The following GREB1 variants were observed in gnomAD, a reference collection of about 807,000 sequenced individuals.
The protein encoded by GREB1 is protein GREB1.
In GREB1, 106 loss-of-function variants were observed where a neutral mutation model predicts 200.7. The ratio of observed to expected loss-of-function variants is 0.53; its 90% CI spans 0.45 to 0.62. GREB1 has a LOEUF of 0.62. Ranked by LOEUF, GREB1 falls within the 20% of genes least tolerant of loss-of-function variation. The pLI is 0.00. For synonymous variants in GREB1, 1,132 were observed against 1,092.4 expected (o/e 1.04, Z -0.72); for missense variants, 2,243 against 2,556.8 (o/e 0.88, Z 2.65).
chr2:11,634,571 A>G (rs1287453739), intron 29 of GREB1, among the ~76,000 whole-genome samples: 1 of 152,192 alleles, frequency 6.6e-6, no homozygotes, highest in Non-Finnish European at 1.5e-5. Flanking sequence ...GTTATATTGG[A>G]CTGTGTGTTT....
chr2:11,508,493 C>T (rs1393507503), intron 1 of GREB1, among the ~76,000 whole-genome samples: 1 of 152,220 alleles, frequency 6.6e-6, no homozygotes, highest in Non-Finnish European at 1.5e-5. Context: ...TGGCTTTCCC[C>T]CAGTGTGGCA....
chr2:11,617,691 A>T (rs1308334358), intron 21 of GREB1, among the ~76,000 whole-genome samples: 1 of 151,918 alleles, frequency 6.6e-6, no homozygotes, highest in Non-Finnish European at 1.5e-5. Context: ...GGGTGCGGGG[A>T]CGGGTGTGTG....
At chr2:11,626,059 G>T (rs1379011958) in intron 24 of GREB1, among the ~76,000 whole-genome samples, 1 of 152,084 alleles carries the variant, frequency 6.6e-6, no homozygotes, top group Non-Finnish European at 1.5e-5. Context: ...CCATGATTCA[G>T]TTATCTCCCA....
chr2:11,524,688 A>G (rs946648100), intron 1 of GREB1, among the ~76,000 whole-genome samples: 2 of 152,202 alleles, frequency 1.3e-5, no homozygotes, highest in Non-Finnish European at 1.5e-5. Context: ...TCCAAAACAC[A>G]TCAGTCATCT....
chr2:11,531,647 T>G (rs1264687127), upstream of GREB1, among the ~76,000 whole-genome samples: 3 of 152,202 alleles, frequency 2.0e-5, no homozygotes, highest in East Asian at 5.8e-4. Context: ...CTTGGCTCAC[T>G]GCAACCTTGG....
intron 1 of GREB1, among the ~76,000 whole-genome samples, chr2:11,484,574 C>A (rs1343097095): frequency 8.1e-6 from 1 of 123,392 alleles, no homozygotes. Context: ...CATAGCGAGA[C>A]TCTCATCTCT....
At chr2:11,631,819 T>G in intron 26 of GREB1, 90 bp from the exon 27 acceptor site, 1 of 989,102 alleles carries the variant, frequency 1.0e-6, no homozygotes, top group Non-Finnish European at 1.6e-6. Flanking sequence ...TCATCATTCT[T>G]TGACGGAAAA....
At position 11,519,261 on chromosome 2, in the gene GREB1, G is replaced by A. The variant is rs796487076; in HGVS notation, c.-159+36880G>A. Among the ~76,000 whole-genome samples, 183 of 152,052 alleles carry A rather than the reference G, an allele frequency of 1.2e-3. 2 individuals are homozygous for A. The highest frequency in any genetic ancestry group is 4.3e-3 in the African/African-American group (180 of 41,452). ...ATAGACATCGTTACCTATACTGTTG[G>A]TAATAAGGGCTATCTGGATGTTACT... On this transcript the variant is annotated intron_variant, in intron 1 of 2. Coordinates refer to the GREB1 transcript ENST00000628795.
At chr2:11,504,319 T>G (rs1238135585) in intron 1 of GREB1, among the ~76,000 whole-genome samples, 1 of 152,200 alleles carries the variant, frequency 6.6e-6, no homozygotes, top group Non-Finnish European at 1.5e-5. Context: ...AATTTTTCAT[T>G]TAGTAGTTTC....
rs768117313 is a variant in GREB1 at position 11,580,972 on chromosome 2, A to T, written c.901+140A>T. On this transcript the variant is annotated intron_variant, in intron 7 of 32. Transcript: ENST00000381486. This position sits in a 1 kb window ranked among gnomAD's most constrained non-coding sequence, Gnocchi z 4.5. Reference sequence around the variant, plus strand: ...CTTCCATGAGAGTCAGGCCAGGACCACAGGTGCCTCCTGAGTCCGTGGGTC... The same window carrying T: ...CTTCCATGAGAGTCAGGCCAGGACCTCAGGTGCCTCCTGAGTCCGTGGGTC... 9.6e-7 allele frequency: 1 copy of T among 1,046,930 alleles called. No homozygotes were observed. Among genetic ancestry groups the T allele is most frequent in the African/African-American group, 1.6e-5 (1 of 63,868 alleles). 64.9% of individuals were successfully genotyped at this position (1,046,930 alleles called of 1,614,324 possible). A position where few individuals can be genotyped will look rare whatever the true frequency, so the allele number is the denominator to read the frequency against.
At chr2:11,530,343 T>G (rs927839478), upstream of GREB1, among the ~76,000 whole-genome samples, 4 of 151,726 alleles carry the variant, frequency 2.6e-5, no homozygotes, top group African/African-American at 9.7e-5. Flanking sequence ...ATTACAGGTG[T>G]GATCCAGTGC....
intron 4 of GREB1, among the ~76,000 whole-genome samples, chr2:11,571,300 C>T (rs1392365551): frequency 6.6e-6 from 1 of 152,134 alleles, no homozygotes; most frequent in Non-Finnish European, 1.5e-5. Flanking sequence ...TTGGAAGGAA[C>T]ATAGAGTTGC....
intron 7 of GREB1, among the ~76,000 whole-genome samples, chr2:11,582,498 T>G (rs1679599371): frequency 6.6e-6 from 1 of 152,180 alleles, no homozygotes; most frequent in Admixed American, 6.5e-5. Flanking sequence ...CACCCGCCTA[T>G]TAAATCGCCT....
intron 1 of GREB1, among the ~76,000 whole-genome samples, chr2:11,545,940 G>A (rs546653952): frequency 1.3e-5 from 2 of 152,368 alleles, no homozygotes; most frequent in African/African-American, 2.4e-5. Context: ...CACTTTGGGA[G>A]GCTGAGGCGG....
chr2:11,600,908 C>T lies in GREB1; in HGVS notation c.2442C>T (p.His814=), dbSNP rs367610663. 4.2e-5 allele frequency: 68 copies of T among 1,614,030 alleles called. No homozygotes were observed. In the East Asian group the frequency reaches 6.2e-4, roughly 15 times the overall value. Residue 814 remains histidine, a synonymous_variant, in exon 16 of 33, where the codon CAC becomes CAT. Transcript: ENST00000381486. ...VKEAPNIVTL[H]VTSFPYALQT... Reference sequence around the variant, plus strand: ...AGGCCCCCAACATTGTGACACTTCACGTGACCTCCTTCCCGTATGCACTGC... The same window carrying T: ...AGGCCCCCAACATTGTGACACTTCATGTGACCTCCTTCCCGTATGCACTGC...
chr2:11,537,674 TA>T (rs1360423264), intron 1 of GREB1, among the ~76,000 whole-genome samples: 2 of 136,752 alleles, frequency 1.5e-5, no homozygotes, highest in African/African-American at 6.5e-5. Context: ...AAAAATATTT[TA>T]TATATTATAT....
chr2:11,627,723 T>C (rs900647201), intron 25 of GREB1, among the ~76,000 whole-genome samples: 1 of 152,210 alleles, frequency 6.6e-6, no homozygotes. Context: ...TCTGGCTGCC[T>C]CAGGCCCTGG....
chr2:11,508,069 C>T (rs1430905477), intron 1 of GREB1, among the ~76,000 whole-genome samples: 1 of 152,166 alleles, frequency 6.6e-6, no homozygotes, highest in Non-Finnish European at 1.5e-5. Flanking sequence ...AGCTTCTAGT[C>T]CATTTCGCCT....
chr2:11,575,267 A>G (rs1287047764), intron 4 of GREB1, among the ~76,000 whole-genome samples: 1 of 152,256 alleles, frequency 6.6e-6, no homozygotes, highest in African/African-American at 2.4e-5. Flanking sequence ...GAAACCAGAC[A>G]TACCAGTGGG....
Sources: gnomAD v4.1 joint callset for allele counts (sites outside exome capture counted in the v4.1 genomes callset) on GRCh38, gnomAD v4.1.1 for gene constraint, Gnocchi (gnomAD v3.1) non-coding constraint, MANE v1.5 for transcripts, NCBI Gene and HGNC (gene_info 2026-07-23, HGNC 2026-07-21) for gene names.